PLEKHA7: variants seen among roughly 807,000 people sequenced by gnomAD.
PLEKHA7 encodes pleckstrin homology domain-containing family A member 7.
Under a neutral mutation model 170.0 loss-of-function variants are expected in PLEKHA7, and 104 were observed. The ratio of observed to expected loss-of-function variants is 0.61; its 90% CI spans 0.52 to 0.72. PLEKHA7 has a LOEUF of 0.72. PLEKHA7 is among the 30% of genes least tolerant of loss of function. PLEKHA7 has a pLI of 0.00. For missense variants in PLEKHA7, 1,615 were observed against 1,671.7 expected, an observed-to-expected ratio of 0.97 and a Z score of 0.59; for synonymous variants, 648 against 660.8, an observed-to-expected ratio of 0.98 and a Z score of 0.30.
At chr11:16,860,665 G>A (rs753390934) in intron 4 of PLEKHA7, among the ~76,000 whole-genome samples, 3 of 152,122 alleles carry the variant, frequency 2.0e-5, no homozygotes, top group African/African-American at 4.8e-5. Context: ...TAACTTATTC[G>A]AGATAGAAAT....
intron 3 of PLEKHA7, among the ~76,000 whole-genome samples, chr11:16,901,570 C>G (rs1447033242): frequency 1.3e-5 from 2 of 152,132 alleles, no homozygotes; most frequent in Admixed American, 1.3e-4. Flanking sequence ...AAACAATTCA[C>G]TTAAAGTGTA....
intron 3 of PLEKHA7, among the ~76,000 whole-genome samples, chr11:16,913,500 C>T (rs991062751): frequency 1.3e-5 from 2 of 152,292 alleles, no homozygotes; most frequent in South Asian, 2.1e-4. Context: ...TGGCAGCTGG[C>T]GTCGCAGTGG....
At chr11:16,990,532 T>C (rs964255442) in intron 3 of PLEKHA7, among the ~76,000 whole-genome samples, 1 of 152,052 alleles carries the variant, frequency 6.6e-6, no homozygotes, top group African/African-American at 2.4e-5. Flanking sequence ...GGCTGTGGGG[T>C]CCATAAAAGC....
At chr11:16,958,817 C>A (rs1234253765) in intron 3 of PLEKHA7, among the ~76,000 whole-genome samples, 1 of 151,638 alleles carries the variant, frequency 6.6e-6, no homozygotes, top group Non-Finnish European at 1.5e-5. Flanking sequence ...CTCAATTGCA[C>A]AGCCGATGTA....
chr11:16,906,456 G>A lies in PLEKHA7; in HGVS notation c.222-35274C>T, dbSNP rs112562247. 7.8e-4 allele frequency among the ~76,000 whole-genome samples: 109 copies of A among 139,558 alleles called. 8 individuals carry two copies. The highest frequency in any genetic ancestry group is 2.9e-3 in the African/African-American group (99 of 34,670). The allele number at this position is 139,558 out of a possible 152,430, so 91.6% of individuals were successfully genotyped here. A position where few individuals can be genotyped will look rare whatever the true frequency, so the allele number is the denominator to read the frequency against. ...CTGCCTCAGCCTGCCGAGTGCCTGC[G>A]ATTGCAGGCACGCGCCGCCATGCCT... On this transcript the variant is annotated intron_variant, in intron 3 of 26. Transcript: ENST00000531066.
Position 16,802,860 on chromosome 11 carries a change from T to G in PLEKHA7, c.2157+112A>C, listed in dbSNP as rs1848692912. 13 of 956,870 alleles carry G rather than the reference T, an allele frequency of 1.4e-5. No individual in the cohort carries two copies. The East Asian group carries it at 3.1e-4, about 23-fold the overall frequency. The allele number at this position is 956,870 out of a possible 1,614,324, so 59.3% of individuals were successfully genotyped here. ...CGCACCTGGTGCATTTTTTTTTAAA[T>G]AAGCTAACATCTGCTCTTCAATACT... On this transcript the variant is annotated intron_variant, in intron 15 of 26. Coordinates refer to ENST00000531066, the MANE Select transcript of PLEKHA7 (RefSeq NM_001329630.2).
chr11:16,881,614 C>A (rs1050832303), intron 3 of PLEKHA7: 1 of 152,204 alleles, frequency 6.6e-6, no homozygotes, highest in Non-Finnish European at 1.5e-5. Flanking sequence ...GAATCCAATT[C>A]TTCCGTTCTT....
At chr11:16,872,075 T>G (rs942381449) in intron 3 of PLEKHA7, among the ~76,000 whole-genome samples, 1 of 151,634 alleles carries the variant, frequency 6.6e-6, no homozygotes, top group African/African-American at 2.4e-5. Context: ...TTCAAGTGAT[T>G]CTCCTGCTTC....
At chr11:16,957,702 T>A (rs918718697) in intron 3 of PLEKHA7, among the ~76,000 whole-genome samples, 2 of 134,884 alleles carry the variant, frequency 1.5e-5, no homozygotes, top group Non-Finnish European at 3.2e-5. Context: ...TTTTTCTTTT[T>A]TTTTTTTTTT....
At chr11:16,986,800 T>A (rs1304486274) in intron 3 of PLEKHA7, among the ~76,000 whole-genome samples, 1 of 152,042 alleles carries the variant, frequency 6.6e-6, no homozygotes, top group East Asian at 1.9e-4. Context: ...AAGGCCCCAA[T>A]CAGATAAGTA....
chr11:16,897,599 G>C (rs1216161914), intron 3 of PLEKHA7, among the ~76,000 whole-genome samples: 1 of 152,194 alleles, frequency 6.6e-6, no homozygotes, highest in Admixed American at 6.5e-5. Flanking sequence ...CAGAGAAGGT[G>C]TATTAGGCAG....
chr11:16,788,566 G>A (rs1036599422), intron 23 of PLEKHA7: 1 of 157,388 alleles, frequency 6.4e-6, no homozygotes, highest in African/African-American at 2.4e-5. Flanking sequence ...CGCCACCAGG[G>A]GGCAGCACAG....
intron 3 of PLEKHA7, among the ~76,000 whole-genome samples, chr11:16,933,151 C>T (rs1860061611): frequency 6.6e-6 from 1 of 152,208 alleles, no homozygotes; most frequent in Admixed American, 6.5e-5. Context: ...CTGAATTGTC[C>T]TAAGAACTCT....
intron 7 of PLEKHA7, among the ~76,000 whole-genome samples, chr11:16,851,700 C>T (rs956036472): frequency 1.3e-5 from 2 of 152,248 alleles, no homozygotes; most frequent in East Asian, 1.9e-4. Flanking sequence ...CCACCTGCCT[C>T]GGCCTCCCAA....
chr11:16,855,973 G>T, intron 4 of PLEKHA7, 59 bp from the exon 5 acceptor site: 1 of 1,360,838 alleles, frequency 7.3e-7, no homozygotes, highest in Non-Finnish European at 1.0e-6. Flanking sequence ...AGGAAGTGCA[G>T]TAAGATCAGT....
rs747850742 is a variant in PLEKHA7 at position 16,782,785 on chromosome 11, G to A, written c.3762C>T (p.Ser1254=). The change falls in exon 26 of 27, where the codon TCC becomes TCT. Residue 1254 remains serine (S), a synonymous_variant. Transcript: ENST00000531066. ...RIINISYALA[S]EASQRSKQVA... ...CCTGCTTGCTACGCTGGGAGGCCTC[G>A]GAGGCCAGGGCGTAGGAGATGTTGA... 131 of 1,536,026 alleles carry A rather than the reference G, an allele frequency of 8.5e-5. 1 individual carries two copies. Among genetic ancestry groups the A allele is most frequent in the African/African-American group, 5.2e-4 (38 of 73,056 alleles).
At chr11:16,845,370 T>C (rs974131202) in intron 8 of PLEKHA7, among the ~76,000 whole-genome samples, 3 of 152,328 alleles carry the variant, frequency 2.0e-5, no homozygotes, top group Non-Finnish European at 4.4e-5. Context: ...TATGTTGTTT[T>C]GCTTTGCTTT....
intron 3 of PLEKHA7, among the ~76,000 whole-genome samples, chr11:17,012,390 G>C (rs960898824): frequency 6.6e-6 from 1 of 151,994 alleles, no homozygotes; most frequent in Non-Finnish European, 1.5e-5. Flanking sequence ...TTAAGCCCTT[G>C]CCCTGGCTGT....
At chr11:16,980,532 C>A (rs867739130) in intron 3 of PLEKHA7, among the ~76,000 whole-genome samples, 3 of 152,092 alleles carry the variant, frequency 2.0e-5, no homozygotes, top group Admixed American at 6.5e-5. Flanking sequence ...TAAGGCATGG[C>A]GGATGAAAGC....
Sources: allele counts gnomAD v4.1 joint callset (sites outside exome capture counted in the v4.1 genomes callset), GRCh38; gene constraint gnomAD v4.1.1; transcripts MANE v1.5; gene names NCBI Gene and HGNC (gene_info 2026-07-23, HGNC 2026-07-21).